The following HSD17B6 variants were observed in gnomAD, a reference collection of about 807,000 sequenced individuals.
HSD17B6 encodes the protein 17-beta-hydroxysteroid dehydrogenase type 6.
HSD17B6 carries 16 observed loss-of-function variants against 26.4 expected under a neutral mutation model. The ratio of observed to expected loss-of-function variants is 0.61; its 90% CI spans 0.41 to 0.92. HSD17B6 has a LOEUF of 0.92. Among genes scored for constraint, HSD17B6 ranks in the 40% least tolerant of loss-of-function variants. The pLI is 0.00. For missense variants in HSD17B6, 357 were observed against 386.1 expected (o/e 0.92, Z 0.63); for synonymous variants, 139 against 153.0 (o/e 0.91, Z 0.68).
Position 56,787,615 on chromosome 12 carries a change from T to C in HSD17B6, c.*273T>C, listed in dbSNP as rs2137940701. 1 of 389,208 alleles carries C rather than the reference T, an allele frequency of 2.6e-6. No individual in the cohort carries two copies. The highest frequency in any genetic ancestry group is 3.4e-5 in the South Asian group (1 of 29,652). 24.1% of individuals were successfully genotyped at this position (389,208 alleles called of 1,614,324 possible). A position where few individuals can be genotyped will look rare whatever the true frequency, so the allele number is the denominator to read the frequency against. On this transcript the variant is annotated 3_prime_UTR_variant, in exon 5 of 5. Coordinates refer to ENST00000322165, the MANE Select transcript of HSD17B6 (RefSeq NM_003725.4). Reference sequence around the variant, plus strand: ...TTCTTGCCTTATTAAACAGAGTAGATGGAAAACAATTTAACCTATTTTGAA... The same window carrying C: ...TTCTTGCCTTATTAAACAGAGTAGACGGAAAACAATTTAACCTATTTTGAA...
intron 1 of HSD17B6, among the ~76,000 whole-genome samples, chr12:56,773,102 T>G (rs759667792): frequency 2.6e-5 from 4 of 152,330 alleles, no homozygotes; most frequent in Non-Finnish European, 5.9e-5. Context: ...GAACACTCAT[T>G]TCAACAATGC....
At chr12:56,771,872 T>C (rs1243146709) in intron 1 of HSD17B6, among the ~76,000 whole-genome samples, 1 of 152,150 alleles carries the variant, frequency 6.6e-6, no homozygotes, top group Non-Finnish European at 1.5e-5. Context: ...GGGAGGTGAT[T>C]GGATCATGGG....
chr12:56,773,133 C>A (rs181546251), intron 1 of HSD17B6, among the ~76,000 whole-genome samples: 2 of 152,324 alleles, frequency 1.3e-5, no homozygotes, highest in Admixed American at 1.3e-4. Context: ...TCTAGGTTTA[C>A]AAATTGCTTT....
chr12:56,769,164 G>A (rs542977371), intron 1 of HSD17B6, among the ~76,000 whole-genome samples: 16 of 150,266 alleles, frequency 1.1e-4, no homozygotes, highest in African/African-American at 2.9e-4. Flanking sequence ...GTGCAGTGGC[G>A]TGATCTTGGC....
rs763066532 is a variant in HSD17B6 at position 56,782,162 on chromosome 12, A to G, written c.502A>G (p.Arg168Gly). ...TGTCAATGTCTCCAGCATTCTGGGA[A>G]GAGTTGCTTTCTTTGTAGGAGGCTA... Reference protein sequence around the residue: ...RIVNVSSILGRVAFFVGGYCV... With the variant: ...RIVNVSSILGGVAFFVGGYCV... The change falls in exon 3 of 5, where the codon AGA becomes GGA. Residue 168 changes from arginine to glycine, a missense_variant. Arg to Gly is a moderately radical substitution (Grantham distance 125). Coordinates refer to ENST00000322165, the MANE Select transcript of HSD17B6 (RefSeq NM_003725.4). 6.2e-7 allele frequency: 1 copy of G among 1,614,176 alleles called. No individual in the cohort carries two copies. Among genetic ancestry groups the G allele is most frequent in the Non-Finnish European group, 8.5e-7 (1 of 1,180,030 alleles).
intron 2 of HSD17B6, among the ~76,000 whole-genome samples, chr12:56,776,719 A>G (rs1048223996): frequency 3.9e-5 from 6 of 152,064 alleles, no homozygotes; most frequent in Non-Finnish European, 8.8e-5. Context: ...CGGTGCAATA[A>G]TAGCTCACTG....
chr12:56,773,863 A>G lies in HSD17B6; in HGVS notation c.11A>G (p.Tyr4Cys). 2.5e-6 allele frequency: 4 copies of G among 1,568,754 alleles called. No homozygotes were observed. The highest frequency in any genetic ancestry group is 3.5e-6 in the Non-Finnish European group (4 of 1,154,210). The stretch of plus-strand genomic sequence containing the variant: ...GGAAGCACCCTCACTATGTGGCTCT[A>G]CCTGGCGGCCTTCGTGGGCCTGTAC... Reference protein sequence around the residue: MWLYLAAFVGLYYL... With the variant: MWLCLAAFVGLYYL... The change falls in exon 2 of 5, where the codon TAC becomes TGC. Residue 4 changes from tyrosine to cysteine, a missense_variant. Transcript: ENST00000322165.
rs191059263 is a variant in HSD17B6, at chr12:56,785,036, T to G, written c.736+20T>G. ...ATGCCCGTAAGCTTTTTTCTTTTGA[T>G]AGGGATAATGGGTACCCTGTATTAG... On this transcript the variant is annotated intron_variant, in intron 4 of 4. Coordinates refer to ENST00000322165, the MANE Select transcript of HSD17B6 (RefSeq NM_003725.4). 104 of 1,603,852 alleles carry G rather than the reference T, an allele frequency of 6.5e-5. 1 individual carries two copies. In the Middle Eastern group the frequency reaches 1.7e-3, roughly 26 times the overall value.
chr12:56,783,019 GAA>G (rs1265875384), intron 3 of HSD17B6, among the ~76,000 whole-genome samples: 1 of 152,240 alleles, frequency 6.6e-6, no homozygotes, highest in Non-Finnish European at 1.5e-5. Flanking sequence ...AGAACAAAAT[GAA>G]AAGTCTCCCA....
At chr12:56,763,767 T>C (rs1954257284) in intron 1 of HSD17B6, among the ~76,000 whole-genome samples, 1 of 151,554 alleles carries the variant, frequency 6.6e-6, no homozygotes, top group African/African-American at 2.4e-5. Flanking sequence ...GGTAAGTTTG[T>C]GAAACTTTGG....
At chr12:56,765,620 C>A (rs924297144) in intron 1 of HSD17B6, among the ~76,000 whole-genome samples, 14 of 151,756 alleles carry the variant, frequency 9.2e-5, no homozygotes, top group Admixed American at 2.6e-4. Context: ...CCCCTCCCCC[C>A]ACCGTGTCAG....
At chr12:56,766,657 G>A (rs1256826688) in intron 1 of HSD17B6, among the ~76,000 whole-genome samples, 2 of 152,194 alleles carry the variant, frequency 1.3e-5, no homozygotes, top group African/African-American at 4.8e-5. Context: ...GCAGAGCTGC[G>A]CTTTAGGGAA....
At position 56,785,019 on chromosome 12, in the gene HSD17B6, A is replaced by G. The variant is rs1954846045; in HGVS notation, c.736+3A>G. On this transcript the variant is annotated splice_donor_region_variant and intron_variant, in intron 4 of 4. Coordinates refer to ENST00000322165, the MANE Select transcript of HSD17B6 (RefSeq NM_003725.4). ...TGGACAGCAGTATTTTGATGCCCGT[A>G]AGCTTTTTTCTTTTGATAGGGATAA... The G allele has an allele frequency of 6.2e-7, 1 of 1,607,390 alleles. No individual in the cohort carries two copies. The highest frequency in any genetic ancestry group is 8.5e-7 in the Non-Finnish European group (1 of 1,178,476).
chr12:56,776,074 C>A (rs1382487389), intron 2 of HSD17B6, among the ~76,000 whole-genome samples: 1 of 151,276 alleles, frequency 6.6e-6, no homozygotes, highest in Non-Finnish European at 1.5e-5. Context: ...TACAAGCATG[C>A]ACCACCATAC....
chr12:56,775,053 A>T (rs1954561680), intron 2 of HSD17B6, among the ~76,000 whole-genome samples: 1 of 152,226 alleles, frequency 6.6e-6, no homozygotes, highest in South Asian at 2.1e-4. Flanking sequence ...CAATTGATTG[A>T]ATCCATGGAT....
intron 1 of HSD17B6, among the ~76,000 whole-genome samples, chr12:56,773,527 T>C (rs1245817251): frequency 6.6e-6 from 1 of 152,250 alleles, no homozygotes; most frequent in Non-Finnish European, 1.5e-5. Context: ...TATCCACTTT[T>C]TGAACTTACT....
intron 3 of HSD17B6, among the ~76,000 whole-genome samples, chr12:56,783,077 A>G (rs1262023700): frequency 1.3e-5 from 2 of 152,208 alleles, no homozygotes; most frequent in Non-Finnish European, 2.9e-5. Flanking sequence ...CGATTTCTCA[A>G]TCTTTTCCCC....
chr12:56,780,840 C>CAAAA (rs59227954), intron 2 of HSD17B6, among the ~76,000 whole-genome samples: 4 of 64,094 alleles, frequency 6.2e-5, no homozygotes, highest in African/African-American at 1.2e-4. Context: ...GACTCCGTCT[C>CAAAA]AAAAAAAAAA....
chr12:56,774,260 G>A lies in HSD17B6; in HGVS notation c.313+95G>A, dbSNP rs1173349777. Reference sequence around the variant, plus strand: ...GGTGTCTCCTGGGGATTGGTTCAAGGACTGCTTGTGGATACTAAAATCCGA... The same window carrying A: ...GGTGTCTCCTGGGGATTGGTTCAAGAACTGCTTGTGGATACTAAAATCCGA... On this transcript the variant is annotated intron_variant, in intron 2 of 4. Coordinates refer to ENST00000322165, the MANE Select transcript of HSD17B6 (RefSeq NM_003725.4). The A allele has an allele frequency of 4.4e-6, 5 of 1,143,168 alleles. 1 individual carries two copies. The highest frequency in any genetic ancestry group is 6.0e-6 in the Non-Finnish European group (5 of 826,542). 70.8% of individuals were successfully genotyped at this position (1,143,168 alleles called of 1,614,324 possible).
Sources: allele counts gnomAD v4.1 joint callset (sites outside exome capture counted in the v4.1 genomes callset), GRCh38; gene constraint gnomAD v4.1.1; transcripts MANE v1.5; gene names NCBI Gene and HGNC (gene_info 2026-07-23, HGNC 2026-07-21).